GRK3: variants seen among roughly 807,000 people sequenced by gnomAD.
The protein encoded by GRK3 is adrenergic, beta, receptor kinase 2.
GRK3 carries 54 observed loss-of-function variants against 95.7 expected under a neutral mutation model. The observed-to-expected ratio is 0.56, with a 90% CI of 0.45 to 0.71. The LOEUF (loss-of-function observed/expected upper bound fraction) is 0.71, where lower values mean the gene tolerates loss of function less well. Among genes scored for constraint, GRK3 ranks in the 30% least tolerant of loss-of-function variants. GRK3 has a pLI of 0.00. For missense variants in GRK3, 649 were observed against 851.2 expected, an observed-to-expected ratio of 0.76 and a Z score of 2.96; for synonymous variants, 281 against 290.8, an observed-to-expected ratio of 0.97 and a Z score of 0.34.
At chr22:25,621,174 A>G (rs920689129) in intron 2 of GRK3, among the ~76,000 whole-genome samples, 14 of 152,242 alleles carry the variant, frequency 9.2e-5, no homozygotes, top group African/African-American at 3.4e-4. Context: ...TGCTATAGAG[A>G]TAGTAGAGTG....
At chr22:25,588,961 G>T (rs1447610877) in intron 1 of GRK3, among the ~76,000 whole-genome samples, 2 of 151,882 alleles carry the variant, frequency 1.3e-5, no homozygotes, top group Admixed American at 6.6e-5. Context: ...TGTAGAGAGG[G>T]GTTCTCGCTA....
intron 11 of GRK3, 110 bp downstream of exon 11, chr22:25,687,777 T>G (rs2085127892): frequency 8.1e-7 from 1 of 1,232,878 alleles, no homozygotes. Flanking sequence ...AGCCCTCATC[T>G]CAGCCCTGAT....
At chr22:25,688,002 C>G (rs546306438) in intron 11 of GRK3, among the ~76,000 whole-genome samples, 5 of 152,036 alleles carry the variant, frequency 3.3e-5, no homozygotes, top group African/African-American at 1.2e-4. Context: ...TTTGGGAGGC[C>G]AAGGAGGGCG....
At chr22:25,676,637 A>G (rs948914058) in intron 8 of GRK3, among the ~76,000 whole-genome samples, 17 of 151,518 alleles carry the variant, frequency 1.1e-4, no homozygotes, top group Non-Finnish European at 2.1e-4. Flanking sequence ...GTTGCAGTGA[A>G]CCAAGATTGC....
In GRK3 at chr22:25,600,147, G is replaced by GTT. The variant is rs797013361; in HGVS notation, c.114-4214_114-4213dup. Among the ~76,000 whole-genome samples the GTT allele has an allele frequency of 3.1e-3, 423 of 137,042 alleles. 1 individual carries two copies. Among genetic ancestry groups the GTT allele is most frequent in the South Asian group, 0.018 (75 of 4,226 alleles). The allele number at this position is 137,042 out of a possible 152,430, so 89.9% of individuals were successfully genotyped here. A position where few individuals can be genotyped will look rare whatever the true frequency, so the allele number is the denominator to read the frequency against. On this transcript the variant is annotated intron_variant, in intron 1 of 20. Coordinates refer to ENST00000324198, the MANE Select transcript of GRK3 (RefSeq NM_005160.4). ...ACAGTCAGCTGTCCATATCTGCAGGGTTTTTTTTTTTTTTTTTGAGATGGA... is the reference window on the plus strand; with the variant it reads ...ACAGTCAGCTGTCCATATCTGCAGGGTTTTTTTTTTTTTTTTTTTGAGATGGA...
In GRK3 at chr22:25,722,284, C is replaced by T; in HGVS notation, c.1906-5C>T. On this transcript the variant is annotated splice_region_variant and splice_polypyrimidine_tract_variant and intron_variant, in intron 20 of 20. Transcript: ENST00000324198. ...CACAACGGCTGCCTTTGTATTCCCC[C>T]TCAGAGTGATCCAGAGTTTGTGCAG... 1.2e-6 allele frequency: 2 copies of T among 1,614,036 alleles called. No homozygotes were observed. Among genetic ancestry groups the T allele is most frequent in the Non-Finnish European group, 1.7e-6 (2 of 1,179,930 alleles).
intron 2 of GRK3, among the ~76,000 whole-genome samples, chr22:25,633,520 A>G (rs1262327415): frequency 6.6e-6 from 1 of 152,252 alleles, no homozygotes; most frequent in East Asian, 1.9e-4. Context: ...AATCATGCAC[A>G]TATCTGGTTA....
intron 2 of GRK3, among the ~76,000 whole-genome samples, chr22:25,633,984 T>C (rs1383987374): frequency 6.6e-6 from 1 of 152,234 alleles, no homozygotes; most frequent in Non-Finnish European, 1.5e-5. Flanking sequence ...TGTCCCTAGC[T>C]TTTAAGGTCT....
At position 25,723,373 on chromosome 22, in the gene GRK3, G is replaced by T. The variant is rs1235388064; in HGVS notation, c.*923G>T. ...ACATATCAGTAATGGATGTACAAAA[G>T]CAGGTCTGTTTTATGTCTTAGTATA... On this transcript the variant is annotated 3_prime_UTR_variant, in exon 21 of 21. Transcript: ENST00000324198. 3 of 152,174 alleles carry T rather than the reference G, an allele frequency of 2.0e-5. No individual in the cohort carries two copies. The highest frequency in any genetic ancestry group is 4.4e-5 in the Non-Finnish European group (3 of 68,038). 9.4% of individuals were successfully genotyped at this position (152,174 alleles called of 1,614,324 possible).
intron 13 of GRK3, among the ~76,000 whole-genome samples, chr22:25,700,050 T>G (rs1468763819): frequency 2.0e-5 from 3 of 152,238 alleles, no homozygotes; most frequent in African/African-American, 7.2e-5. Flanking sequence ...CCCCCTTGCT[T>G]CTGCTGAAAC....
At chr22:25,680,872 G>GT (rs1452043199) in intron 9 of GRK3, among the ~76,000 whole-genome samples, 1 of 151,674 alleles carries the variant, frequency 6.6e-6, no homozygotes, top group Non-Finnish European at 1.5e-5. Context: ...TGATCAGACT[G>GT]TATCGGCAGG....
chr22:25,646,166 A>G (rs753612962), intron 3 of GRK3, among the ~76,000 whole-genome samples: 62 of 152,110 alleles, frequency 4.1e-4, no homozygotes, highest in Admixed American at 8.5e-4. Flanking sequence ...TGAATCATAA[A>G]TAAGGCAATA....
At chr22:25,671,861 A>G (rs111537691) in intron 6 of GRK3, among the ~76,000 whole-genome samples, 2,400 of 152,368 alleles carry the variant, frequency 0.016, 31 homozygotes, top group Middle Eastern at 0.065. Context: ...TGATGAGTCT[A>G]AATTAAAATG....
At chr22:25,680,547 A>AT (rs1416309593) in intron 9 of GRK3, among the ~76,000 whole-genome samples, 12 of 152,168 alleles carry the variant, frequency 7.9e-5, no homozygotes, top group Non-Finnish European at 1.8e-4. Context: ...TTTTCATGTA[A>AT]TATTTTTATA....
intron 2 of GRK3, among the ~76,000 whole-genome samples, chr22:25,615,224 T>A (rs1414275268): frequency 1.3e-5 from 2 of 152,054 alleles, no homozygotes; most frequent in Non-Finnish European, 2.9e-5. Context: ...GAAAAAAAAA[T>A]TATATGCTCT....
chr22:25,573,947 A>C (rs1054807421), intron 1 of GRK3, among the ~76,000 whole-genome samples: 3 of 151,620 alleles, frequency 2.0e-5, no homozygotes, highest in African/African-American at 7.3e-5. Flanking sequence ...AACCAACCAA[A>C]CAACAACACC....
intron 1 of GRK3, among the ~76,000 whole-genome samples, chr22:25,591,969 A>G (rs910805802): frequency 3.9e-5 from 6 of 152,252 alleles, no homozygotes; most frequent in Admixed American, 1.3e-4. Flanking sequence ...GTATGGATAT[A>G]TGCTTTCATT....
At chr22:25,639,877 G>T (rs1025408405) in intron 2 of GRK3, among the ~76,000 whole-genome samples, 1 of 151,932 alleles carries the variant, frequency 6.6e-6, no homozygotes, top group African/African-American at 2.4e-5. Context: ...TACTGTTCTT[G>T]TATGTCATTT....
intron 5 of GRK3, among the ~76,000 whole-genome samples, chr22:25,666,577 C>A (rs528750194): frequency 1.3e-5 from 2 of 152,088 alleles, no homozygotes; most frequent in East Asian, 3.9e-4. Flanking sequence ...GCTCACCCCC[C>A]ACCACCGCCC....
Sources: allele counts gnomAD v4.1 joint callset (sites outside exome capture counted in the v4.1 genomes callset), GRCh38; gene constraint gnomAD v4.1.1; transcripts MANE v1.5; gene names NCBI Gene and HGNC (gene_info 2026-07-23, HGNC 2026-07-21).